The following PARVA variants were observed in gnomAD, a reference collection of about 807,000 sequenced individuals.
The protein encoded by PARVA is alpha-parvin.
In PARVA, 25 loss-of-function variants were observed where a neutral mutation model predicts 52.6. The ratio of observed to expected loss-of-function variants is 0.48; its 90% CI spans 0.35 to 0.66. The LOEUF is 0.66. Ranked by LOEUF, PARVA falls within the 30% of genes least tolerant of loss-of-function variation. PARVA has a pLI of 0.01. For synonymous variants in PARVA, 185 were observed against 179.1 expected (o/e 1.03, Z -0.26); for missense variants, 373 against 450.9 (o/e 0.83, Z 1.56).
chr11:12,527,937 G>T lies in PARVA; in HGVS notation c.*12G>T. 6.3e-7 allele frequency: 1 copy of T among 1,599,590 alleles called. No individual in the cohort carries two copies. The highest frequency in any genetic ancestry group is 8.6e-7 in the Non-Finnish European group (1 of 1,168,088). On this transcript the variant is annotated 3_prime_UTR_variant, in exon 13 of 13. Transcript: ENST00000334956. ...GTAACGTGGAGTGAGGGGCTGCCCT[G>T]GGCCCACCACTGCCCAAGAGTTCTT...
chr11:12,460,579 A>C (rs1799677911), intron 1 of PARVA, among the ~76,000 whole-genome samples: 1 of 152,118 alleles, frequency 6.6e-6, no homozygotes, highest in African/African-American at 2.4e-5. Flanking sequence ...ACCCAGAATT[A>C]ACTCACCAGC....
intron 7 of PARVA, 109 bp downstream of exon 7, chr11:12,508,751 G>A: frequency 1.2e-6 from 1 of 867,504 alleles, no homozygotes; most frequent in Non-Finnish European, 1.9e-6. Context: ...TTGCAGGAGG[G>A]ATTAGACTTC....
At chr11:12,451,555 C>T (rs1309234548) in intron 1 of PARVA, among the ~76,000 whole-genome samples, 1 of 151,164 alleles carries the variant, frequency 6.6e-6, no homozygotes, top group African/African-American at 2.4e-5. Flanking sequence ...TGTATTATTT[C>T]TGGGGAGGTA....
intron 1 of PARVA, among the ~76,000 whole-genome samples, chr11:12,405,223 C>T (rs1245240304): frequency 6.6e-6 from 1 of 152,126 alleles, no homozygotes; most frequent in Non-Finnish European, 1.5e-5. Context: ...GGCCAGGAAT[C>T]AGATTTTTGA....
intron 1 of PARVA, among the ~76,000 whole-genome samples, chr11:12,391,749 G>C (rs1939662748): frequency 6.6e-6 from 1 of 152,166 alleles, no homozygotes; most frequent in South Asian, 2.1e-4. Flanking sequence ...ACACAGCATG[G>C]AATTCCCAAA....
intron 1 of PARVA, 53 bp from the exon 2 acceptor site, chr11:12,473,692 A>G: frequency 7.3e-7 from 1 of 1,365,874 alleles, no homozygotes; most frequent in Non-Finnish European, 1.0e-6. Context: ...CAGAGCTCCA[A>G]CCCCCTGCCG....
At chr11:12,459,262 G>A (rs1206965268) in intron 1 of PARVA, among the ~76,000 whole-genome samples, 5 of 151,972 alleles carry the variant, frequency 3.3e-5, no homozygotes, top group Non-Finnish European at 7.4e-5. Flanking sequence ...AAAATTAGCT[G>A]GGCATGGTGG....
At chr11:12,512,074 A>C (rs1338889668) in intron 8 of PARVA, among the ~76,000 whole-genome samples, 2 of 152,236 alleles carry the variant, frequency 1.3e-5, no homozygotes, top group East Asian at 3.8e-4. Flanking sequence ...TCTAATGCTC[A>C]TAACATCCCA....
chr11:12,526,842 G>A (rs1038846592), intron 12 of PARVA, among the ~76,000 whole-genome samples: 1 of 152,174 alleles, frequency 6.6e-6, no homozygotes, highest in Admixed American at 6.5e-5. Flanking sequence ...AGGGACAAGA[G>A]CAGAGAGGGG....
At chr11:12,389,668 G>T (rs1233269267) in intron 1 of PARVA, among the ~76,000 whole-genome samples, 1 of 152,182 alleles carries the variant, frequency 6.6e-6, no homozygotes. Context: ...AGAAGGGATG[G>T]GCTTTGGGAA....
chr11:12,494,267 A>G (rs1941270181), intron 4 of PARVA, among the ~76,000 whole-genome samples: 1 of 152,178 alleles, frequency 6.6e-6, no homozygotes, highest in Non-Finnish European at 1.5e-5. Context: ...AAGTAGGCAT[A>G]ACTGATTAAA....
At chr11:12,507,149 T>C (rs893699343) in intron 6 of PARVA, among the ~76,000 whole-genome samples, 1 of 152,208 alleles carries the variant, frequency 6.6e-6, no homozygotes, top group Non-Finnish European at 1.5e-5. Context: ...AGTTCTTCCT[T>C]TCTTCTGTAA....
chr11:12,408,010 G>T lies in PARVA; in HGVS notation c.136+30227G>T, dbSNP rs934577774. On this transcript the variant is annotated intron_variant, in intron 1 of 12. Coordinates refer to ENST00000334956, the MANE Select transcript of PARVA (RefSeq NM_018222.5). ...TTAGTCCAGGTTTAAGGACTCTAGA[G>T]TCTGGCTCTTACTTGGCTTTGTTTT... Among the ~76,000 whole-genome samples the T allele has an allele frequency of 2.0e-5, 3 of 152,214 alleles. No individual in the cohort carries two copies. In the South Asian group the frequency reaches 6.2e-4, roughly 32 times the overall value.
chr11:12,517,197 A>G (rs558487661), intron 10 of PARVA, among the ~76,000 whole-genome samples: 2 of 151,780 alleles, frequency 1.3e-5, no homozygotes, highest in East Asian at 3.9e-4. Flanking sequence ...ACCTTTCTCA[A>G]CCTCACTCAG....
chr11:12,382,094 C>A (rs1939497960), intron 1 of PARVA, among the ~76,000 whole-genome samples: 1 of 152,204 alleles, frequency 6.6e-6, no homozygotes, highest in Admixed American at 6.5e-5. Flanking sequence ...CAGATACTTG[C>A]AGCGCTTGAG....
At position 12,500,830 on chromosome 11, in the gene PARVA, G is replaced by A. The variant is rs180844261; in HGVS notation, c.542-3484G>A. ...AAGGGGGAAAAAAAACCTATCTGGC[G>A]GGGCACGGTGGCCCACACCTGTAAT... On this transcript the variant is annotated intron_variant, in intron 5 of 12. Coordinates refer to ENST00000334956, the MANE Select transcript of PARVA (RefSeq NM_018222.5). Among the ~76,000 whole-genome samples, 652 of 137,180 alleles carry A rather than the reference G, an allele frequency of 4.8e-3. 3 individuals are homozygous for A. Among genetic ancestry groups the A allele is most frequent in the South Asian group, 0.026 (110 of 4,168 alleles). The allele number at this position is 137,180 out of a possible 152,430, so 90.0% of individuals were successfully genotyped here. A position where few individuals can be genotyped will look rare whatever the true frequency, so the allele number is the denominator to read the frequency against.
At chr11:12,464,400 A>G (rs1940826972) in intron 1 of PARVA, among the ~76,000 whole-genome samples, 1 of 152,160 alleles carries the variant, frequency 6.6e-6, no homozygotes, top group African/African-American at 2.4e-5. Context: ...TCCACCATGC[A>G]TTTACTTAAT....
intron 7 of PARVA, among the ~76,000 whole-genome samples, chr11:12,510,305 C>G (rs1294617953): frequency 6.6e-6 from 1 of 151,966 alleles, no homozygotes; most frequent in Admixed American, 6.6e-5. Context: ...GATGGATAAA[C>G]CAATATAATA....
chr11:12,471,517 A>G (rs1156315541), intron 1 of PARVA, among the ~76,000 whole-genome samples: 1 of 152,218 alleles, frequency 6.6e-6, no homozygotes, highest in East Asian at 1.9e-4. Context: ...ATGGAACACT[A>G]TGCAGCCATG....
Sources: gnomAD v4.1 joint callset for allele counts (sites outside exome capture counted in the v4.1 genomes callset) on GRCh38, gnomAD v4.1.1 for gene constraint, MANE v1.5 for transcripts, NCBI Gene and HGNC (gene_info 2026-07-23, HGNC 2026-07-21) for gene names.